RABGEF1: variants seen among roughly 807,000 people sequenced by gnomAD.
RABGEF1 encodes rab5 GDP/GTP exchange factor.
Under a neutral mutation model 57.3 loss-of-function variants are expected in RABGEF1, and 26 were observed. That is an observed-to-expected ratio of 0.45 (90% CI 0.33 to 0.63). RABGEF1 has a LOEUF of 0.63. Among genes scored for constraint, RABGEF1 ranks in the 20% least tolerant of loss-of-function variants. The pLI, the probability that RABGEF1 is intolerant of heterozygous loss-of-function variation, is 0.02. For missense variants in RABGEF1, 464 were observed against 607.6 expected, an observed-to-expected ratio of 0.76 and a Z score of 2.48; for synonymous variants, 185 against 210.7, an observed-to-expected ratio of 0.88 and a Z score of 1.06.
At position 66,775,082 on chromosome 7, in the gene RABGEF1, A is replaced by T. The variant is rs548694145; in HGVS notation, c.180-145A>T. 4.4e-5 allele frequency: 37 copies of T among 832,844 alleles called. No homozygotes were observed. The East Asian group carries it at 5.4e-4, about 12-fold the overall frequency. The allele number at this position is 832,844 out of a possible 1,614,324, so 51.6% of individuals were successfully genotyped here. On this transcript the variant is annotated intron_variant, in intron 2 of 8. Coordinates refer to ENST00000284957, the MANE Select transcript of RABGEF1 (RefSeq NM_014504.3). ...CATGAAGAGCCGTCCATCCTGTAGC[A>T]ATGTGAGACCTCAGACTGATTTGGC...
At chr7:66,794,590 T>C (rs190197432) in intron 4 of RABGEF1, among the ~76,000 whole-genome samples, 71 of 152,332 alleles carry the variant, frequency 4.7e-4, no homozygotes, top group African/African-American at 1.7e-3. Context: ...AGCCCAATGT[T>C]GTAAGGGCCA....
At chr7:66,759,911 T>TA (rs1028125910) in intron 1 of RABGEF1, among the ~76,000 whole-genome samples, 12 of 152,226 alleles carry the variant, frequency 7.9e-5, no homozygotes, top group African/African-American at 2.4e-4. Flanking sequence ...TGATCACCGT[T>TA]ACAGCAACTC....
At chr7:66,800,315 T>G (rs976674366) in intron 7 of RABGEF1, among the ~76,000 whole-genome samples, 4 of 152,150 alleles carry the variant, frequency 2.6e-5, no homozygotes, top group African/African-American at 9.7e-5. Context: ...CCAAGGGTCA[T>G]CCAGGGAGTG....
chr7:66,708,934 A>C (rs1179206366), intron 1 of RABGEF1, among the ~76,000 whole-genome samples: 2 of 152,102 alleles, frequency 1.3e-5, no homozygotes, highest in African/African-American at 4.8e-5. Context: ...AATATGCAAT[A>C]TGCCTTCTTT....
At chr7:66,776,757 G>A (rs1011485587) in intron 3 of RABGEF1, among the ~76,000 whole-genome samples, 2 of 152,222 alleles carry the variant, frequency 1.3e-5, no homozygotes, top group South Asian at 2.1e-4. Context: ...TTCTTGGTTG[G>A]CTGCCAGTTG....
At chr7:66,731,901 A>G (rs2117657444) in intron 2 of RABGEF1, among the ~76,000 whole-genome samples, 1 of 152,298 alleles carries the variant, frequency 6.6e-6, no homozygotes, top group East Asian at 1.9e-4. Context: ...TTCAAGGTTC[A>G]TCCGACGCCC....
intron 1 of RABGEF1, chr7:66,770,343 T>C (rs1583931243): frequency 6.6e-6 from 1 of 152,238 alleles, no homozygotes; most frequent in East Asian, 1.9e-4. Flanking sequence ...TGGAGAAGAA[T>C]GAAGACCATG....
At chr7:66,745,882 C>T (rs754868433) in intron 1 of RABGEF1, among the ~76,000 whole-genome samples, 27 of 152,030 alleles carry the variant, frequency 1.8e-4, no homozygotes, top group Non-Finnish European at 3.4e-4. Context: ...ATCGCTTGAG[C>T]CTAGGAGTTC....
At chr7:66,764,357 A>G (rs1481748583) in intron 1 of RABGEF1, among the ~76,000 whole-genome samples, 4 of 151,996 alleles carry the variant, frequency 2.6e-5, no homozygotes, top group Non-Finnish European at 4.4e-5. Flanking sequence ...TATATTCTGG[A>G]TACAAGTTCC....
At chr7:66,684,234 A>C (rs1480443826) in intron 1 of RABGEF1, among the ~76,000 whole-genome samples, 1 of 152,170 alleles carries the variant, frequency 6.6e-6, no homozygotes, top group African/African-American at 2.4e-5. Flanking sequence ...TCACGAGGTC[A>C]GGAGTTCAAG....
At chr7:66,744,060 C>T (rs1348936121) in intron 1 of RABGEF1, among the ~76,000 whole-genome samples, 3 of 144,034 alleles carry the variant, frequency 2.1e-5, no homozygotes, top group Non-Finnish European at 4.5e-5. Context: ...TTTTTTAAGA[C>T]GGAGTCTTGA....
At chr7:66,751,320 C>T (rs1023567663) in intron 1 of RABGEF1, among the ~76,000 whole-genome samples, 5 of 152,224 alleles carry the variant, frequency 3.3e-5, no homozygotes, top group Admixed American at 6.5e-5. Flanking sequence ...CGTGAGCCAC[C>T]GTACCTGGCC....
At chr7:66,784,471 A>T (rs1191379940) in intron 4 of RABGEF1, among the ~76,000 whole-genome samples, 1 of 152,240 alleles carries the variant, frequency 6.6e-6, no homozygotes, top group Non-Finnish European at 1.5e-5. Flanking sequence ...GGCAATAATT[A>T]ATAAGACTGC....
At chr7:66,668,117 A>G in the RABGEF1 span, among the ~76,000 whole-genome samples, 2 of 152,056 alleles carry the variant, frequency 1.3e-5, no homozygotes, top group Admixed American at 1.3e-4. Context: ...TTATTTTTAG[A>G]GACAGGGTTT....
In RABGEF1 at chr7:66,725,162, C is replaced by A. The variant is rs142389530; in HGVS notation, c.-815+12938C>A. On this transcript the variant is annotated intron_variant and NMD_transcript_variant, in intron 2 of 9. Coordinates refer to the RABGEF1 transcript ENST00000607882. ...AATTACAGGTCATATTTTCCCACTTCCTTACATGTCTGTACATCCTTTTAC... is the reference window on the plus strand; with the variant it reads ...AATTACAGGTCATATTTTCCCACTTACTTACATGTCTGTACATCCTTTTAC... Among the ~76,000 whole-genome samples the A allele has an allele frequency of 1.2e-4, 18 of 152,278 alleles. 1 individual carries two copies. In the East Asian group the frequency reaches 3.5e-3, roughly 29 times the overall value.
chr7:66,774,898 A>G (rs1220014151), intron 2 of RABGEF1, among the ~76,000 whole-genome samples: 1 of 152,154 alleles, frequency 6.6e-6, no homozygotes, highest in Non-Finnish European at 1.5e-5. Context: ...TTACTCTCTG[A>G]TGTAGCAGCT....
intron 1 of RABGEF1, among the ~76,000 whole-genome samples, chr7:66,767,469 A>T (rs1321673568): frequency 6.6e-6 from 1 of 152,256 alleles, no homozygotes; most frequent in Non-Finnish European, 1.5e-5. Context: ...TTATAGTCAC[A>T]TTCTTTCCTA....
intron 1 of RABGEF1, among the ~76,000 whole-genome samples, chr7:66,695,352 T>C (rs367710628): frequency 6.6e-6 from 1 of 151,494 alleles, no homozygotes; most frequent in East Asian, 1.9e-4. Context: ...AGATGAGATC[T>C]GAGGGCCACT....
intron 2 of RABGEF1, among the ~76,000 whole-genome samples, chr7:66,734,077 T>C (rs1337868386): frequency 2.0e-5 from 3 of 152,224 alleles, no homozygotes; most frequent in Non-Finnish European, 4.4e-5. Context: ...GGCCCCATTG[T>C]CCAACATTGG....
Sources: gnomAD v4.1 joint callset for allele counts (sites outside exome capture counted in the v4.1 genomes callset) on GRCh38, gnomAD v4.1.1 for gene constraint, MANE v1.5 for transcripts, NCBI Gene and HGNC (gene_info 2026-07-23, HGNC 2026-07-21) for gene names.